HRH2: variants seen among roughly 807,000 people sequenced by gnomAD.
HRH2 encodes the protein histamine H2 receptor.
In HRH2, 4 loss-of-function variants were observed where a neutral mutation model predicts 20.1. That is an observed-to-expected ratio of 0.20 (90% CI 0.10 to 0.45). The LOEUF (loss-of-function observed/expected upper bound fraction) is 0.45. HRH2 is among the 20% of genes least tolerant of loss of function. The pLI is 0.99. For missense variants in HRH2, 250 were observed against 461.6 expected (o/e 0.54, Z 4.20); for synonymous variants, 197 against 200.7 (o/e 0.98, Z 0.16).
intron 1 of HRH2, among the ~76,000 whole-genome samples, chr5:175,661,522 C>T (rs951564496): frequency 3.3e-5 from 5 of 152,154 alleles, no homozygotes; most frequent in African/African-American, 4.8e-5. Context: ...TAACAGAATT[C>T]GAACACTGGC....
intron 2 of HRH2, among the ~76,000 whole-genome samples, chr5:175,684,605 C>T (rs773812010): frequency 7.2e-5 from 11 of 152,228 alleles, no homozygotes; most frequent in South Asian, 2.1e-4. Context: ...TTCCCAGCTA[C>T]GTGGTCCTTA....
intron 2 of HRH2, among the ~76,000 whole-genome samples, chr5:175,696,336 T>C (rs1756576045): frequency 6.6e-6 from 1 of 152,212 alleles, no homozygotes; most frequent in Non-Finnish European, 1.5e-5. Context: ...TCTGGAGCAG[T>C]GTGGGCCAAC....
Position 175,658,123 on chromosome 5 carries a change from G to C in HRH2, c.-558G>C, listed in dbSNP as rs931471507. 2 of 151,878 alleles carry C rather than the reference G, an allele frequency of 1.3e-5. No homozygotes were observed. Among genetic ancestry groups the C allele is most frequent in the African/African-American group, 2.4e-5 (1 of 41,400 alleles). The allele number at this position is 151,878 out of a possible 1,614,324, so 9.4% of individuals were successfully genotyped here. A position where few individuals can be genotyped will look rare whatever the true frequency, so the allele number is the denominator to read the frequency against. ...CGGGCGCGGGACCGAGGCGAACCGG[G>C]TGCGGAGCCAATACCCGCGGCAGCA... On this transcript the variant is annotated 5_prime_UTR_variant, in exon 1 of 3. Coordinates refer to ENST00000636584, the MANE Select transcript of HRH2 (RefSeq NM_001367711.1).
chr5:175,661,669 AC>A lies in HRH2; in HGVS notation c.-526+3515del, dbSNP rs557987875. 1.1e-3 allele frequency among the ~76,000 whole-genome samples: 169 copies of A among 152,230 alleles called. 1 individual carries two copies. Among genetic ancestry groups the A allele is most frequent in the Non-Finnish European group, 2.1e-3 (144 of 68,040 alleles). ...TGCACTATAGAGGTGAAGAAATGGC[AC>A]AATGACCTCCAAAGTGCAAGGGTTT... is the stretch of plus-strand genomic sequence containing the variant. On this transcript the variant is annotated intron_variant, in intron 1 of 2. Transcript: ENST00000636584.
intron 1 of HRH2, among the ~76,000 whole-genome samples, chr5:175,673,830 G>A (rs1026705156): frequency 2.0e-5 from 3 of 151,126 alleles, no homozygotes; most frequent in Admixed American, 1.3e-4. Context: ...TCAGCGTCCC[G>A]AGTAGCTTGG....
intron 2 of HRH2, among the ~76,000 whole-genome samples, chr5:175,697,454 C>G (rs1756636722): frequency 7.4e-6 from 1 of 134,248 alleles, no homozygotes; most frequent in African/African-American, 3.2e-5. Flanking sequence ...AAGAGTGAGA[C>G]TCCGTCTCAA....
At chr5:175,700,866 C>T (rs545808775) in intron 2 of HRH2, among the ~76,000 whole-genome samples, 13 of 151,724 alleles carry the variant, frequency 8.6e-5, no homozygotes, top group Admixed American at 2.0e-4. Context: ...CCAGCCTGGG[C>T]GACAGAGCAA....
chr5:175,683,014 C>A lies in HRH2; in HGVS notation c.-220C>A. 1.7e-6 allele frequency: 1 copy of A among 583,500 alleles called. No homozygotes were observed. Among genetic ancestry groups the A allele is most frequent in the Admixed American group, 3.1e-5 (1 of 32,484 alleles). The allele number at this position is 583,500 out of a possible 1,614,324, so 36.1% of individuals were successfully genotyped here. On this transcript the variant is annotated 5_prime_UTR_variant, in exon 2 of 3. Coordinates refer to ENST00000636584, the MANE Select transcript of HRH2 (RefSeq NM_001367711.1). ...TCTTCATTCATATTCATTCCCAACA[C>A]CTTAGAAGGTGTTGCTTAATTTATT...
In HRH2 at chr5:175,675,834, A is replaced by T. The variant is rs1056400718; in HGVS notation, c.-525-6875A>T. Among the ~76,000 whole-genome samples the T allele has an allele frequency of 1.3e-4, 20 of 149,928 alleles. No homozygotes were observed. In the East Asian group the frequency reaches 3.9e-3, roughly 29 times the overall value. ...GGTTTTGAGTAGGTGATACATACAC[A>T]AGGTGGAAAGATTGAAAAGGTCCCA... On this transcript the variant is annotated intron_variant, in intron 1 of 2. Coordinates refer to ENST00000636584, the MANE Select transcript of HRH2 (RefSeq NM_001367711.1).
chr5:175,710,432 C>T lies in HRH2; in HGVS notation c.*2461C>T, dbSNP rs1202834198. The T allele has an allele frequency of 6.6e-6, 1 of 152,296 alleles. No individual in the cohort carries two copies. The highest frequency in any genetic ancestry group is 1.5e-5 in the Non-Finnish European group (1 of 68,094). The allele number at this position is 152,296 out of a possible 1,614,324, so 9.4% of individuals were successfully genotyped here. A position where few individuals can be genotyped will look rare whatever the true frequency, so the allele number is the denominator to read the frequency against. On this transcript the variant is annotated 3_prime_UTR_variant, in exon 3 of 3. Transcript: ENST00000636584. ...GAATTCCTTCTGGAATCCCCAGAAT[C>T]CCCCTCCTTGGAAGTTTTCCCAGGA... is the stretch of plus-strand genomic sequence containing the variant.
chr5:175,679,300 C>A (rs1022687916), intron 1 of HRH2, among the ~76,000 whole-genome samples: 1 of 152,012 alleles, frequency 6.6e-6, no homozygotes, highest in African/African-American at 2.4e-5. Context: ...ATTAAAAAAA[C>A]ACCCCCTTTC....
chr5:175,667,337 A>G (rs1762929596), intron 1 of HRH2, among the ~76,000 whole-genome samples: 1 of 152,082 alleles, frequency 6.6e-6, no homozygotes, highest in Non-Finnish European at 1.5e-5. Context: ...GCAGCTACTC[A>G]GGAGGCTAAG....
intron 1 of HRH2, among the ~76,000 whole-genome samples, chr5:175,663,298 C>T (rs2963853): frequency 0.25 from 37,986 of 152,140 alleles, 6,973 homozygotes; most frequent in African/African-American, 0.52. Flanking sequence ...CAGCAGTGCA[C>T]GGAGGTCCCA....
intron 1 of HRH2, among the ~76,000 whole-genome samples, chr5:175,672,418 C>A (rs1225854867): frequency 6.6e-6 from 1 of 152,152 alleles, no homozygotes; most frequent in East Asian, 1.9e-4. Flanking sequence ...CAGCCCACTG[C>A]GGATGGAGGA....
At chr5:175,696,983 G>A (rs993188723) in intron 2 of HRH2, among the ~76,000 whole-genome samples, 35 of 152,168 alleles carry the variant, frequency 2.3e-4, no homozygotes, top group Non-Finnish European at 4.3e-4. Context: ...GCAGGATCCC[G>A]GTCTCCCTGC....
intron 2 of HRH2, among the ~76,000 whole-genome samples, chr5:175,689,265 C>A (rs1034153124): frequency 1.3e-5 from 2 of 151,990 alleles, no homozygotes; most frequent in Non-Finnish European, 2.9e-5. Flanking sequence ...CCCCTCTGGC[C>A]CCCCTCAGCC....
chr5:175,683,194 C>T lies in HRH2; in HGVS notation c.-40C>T. The T allele has an allele frequency of 6.3e-7, 1 of 1,583,914 alleles. No homozygotes were observed. The highest frequency in any genetic ancestry group is 8.6e-7 in the Non-Finnish European group (1 of 1,161,870). Reference sequence around the variant, plus strand: ...ACATTGGGAGCAGAGAAGAAGCAACCAGGGGCCCTGATCAGGGGACTGAGC... The same window carrying T: ...ACATTGGGAGCAGAGAAGAAGCAACTAGGGGCCCTGATCAGGGGACTGAGC... On this transcript the variant is annotated 5_prime_UTR_variant, in exon 2 of 3. Transcript: ENST00000636584.
Position 175,707,915 on chromosome 5 carries a change from CCA to C in HRH2, c.1216_1217del (p.Gln406GlufsTer14), listed in dbSNP as rs1756996739. 2.5e-6 allele frequency: 1 copy of C among 399,042 alleles called. No individual in the cohort carries two copies. Among genetic ancestry groups the C allele is most frequent in the Non-Finnish European group, 4.4e-6 (1 of 226,170 alleles). The allele number at this position is 399,042 out of a possible 1,614,324, so 24.7% of individuals were successfully genotyped here. ...ATCGGGGGAGCCACTGTCTGAGGAGCCACAGAAGAGACCTCCCCAGAAAGCGG... is the reference window on the plus strand; with the variant it reads ...ATCGGGGGAGCCACTGTCTGAGGAGCCAGAAGAGACCTCCCCAGAAAGCGG... The part of the protein sequence containing the change: ...ELSGEPLSEE[P>X]QKRPPQKAVR... On this transcript the variant is annotated frameshift_variant, in exon 3 of 3. Coordinates refer to ENST00000636584, the MANE Select transcript of HRH2 (RefSeq NM_001367711.1). LOFTEE classifies it low-confidence loss of function (END_TRUNC).
At chr5:175,694,002 T>C (rs1404844428) in intron 2 of HRH2, among the ~76,000 whole-genome samples, 6 of 152,202 alleles carry the variant, frequency 3.9e-5, no homozygotes, top group Non-Finnish European at 8.8e-5. Context: ...CTGGCTGACC[T>C]GGAGCGAGTG....
Sources: allele counts gnomAD v4.1 joint callset (sites outside exome capture counted in the v4.1 genomes callset), GRCh38; gene constraint gnomAD v4.1.1; transcripts MANE v1.5; gene names NCBI Gene and HGNC (gene_info 2026-07-23, HGNC 2026-07-21).